The following TBC1D4 variants were observed in gnomAD, a reference collection of about 807,000 sequenced individuals.
TBC1D4 encodes the protein TBC1 domain family member 4.
Under a neutral mutation model 142.5 loss-of-function variants are expected in TBC1D4, and 121 were observed. That is an observed-to-expected ratio of 0.85 (90% CI 0.73 to 0.99). The LOEUF is 0.99. Among genes scored for constraint, TBC1D4 ranks in the 50% least tolerant of loss-of-function variants. The pLI is 0.00. For missense variants in TBC1D4, 1,475 were observed against 1,606.6 expected, an observed-to-expected ratio of 0.92 and a Z score of 1.40; for synonymous variants, 630 against 628.2, an observed-to-expected ratio of 1.00 and a Z score of -0.04.
chr13:75,472,178 A>AT (rs1888437790), intron 1 of TBC1D4, among the ~76,000 whole-genome samples: 1 of 151,952 alleles, frequency 6.6e-6, no homozygotes, highest in Non-Finnish European at 1.5e-5. Flanking sequence ...TAATCCCAGC[A>AT]TTTTGGGAGG....
At chr13:75,452,272 TCC>T (rs1238488264) in intron 1 of TBC1D4, among the ~76,000 whole-genome samples, 2 of 152,188 alleles carry the variant, frequency 1.3e-5, no homozygotes, top group Non-Finnish European at 2.9e-5. Flanking sequence ...TTGCATTTCC[TCC>T]ATAGTAAATA....
At chr13:75,427,676 C>T (rs959002251) in intron 1 of TBC1D4, among the ~76,000 whole-genome samples, 1 of 152,178 alleles carries the variant, frequency 6.6e-6, no homozygotes, top group Non-Finnish European at 1.5e-5. Context: ...TACTCACGCT[C>T]GAATTATTCA....
intron 5 of TBC1D4, among the ~76,000 whole-genome samples, chr13:75,342,245 G>A (rs1361499358): frequency 1.3e-5 from 2 of 151,746 alleles, no homozygotes; most frequent in African/African-American, 2.4e-5. Flanking sequence ...AAGCGATACT[G>A]AGCACAACCA....
chr13:75,327,739 T>A lies in TBC1D4; in HGVS notation c.1806+13A>T. On this transcript the variant is annotated intron_variant, in intron 9 of 20. Coordinates refer to ENST00000377636, the MANE Select transcript of TBC1D4 (RefSeq NM_014832.5). ...TAAGTTGCAATTAGTGTAAACAAGC[T>A]CTAGTTAGATACCTTCTCTGAAGCA... 6.2e-7 allele frequency: 1 copy of A among 1,613,846 alleles called. No individual in the cohort carries two copies. Among genetic ancestry groups the A allele is most frequent in the South Asian group, 1.1e-5 (1 of 91,082 alleles).
intron 11 of TBC1D4, among the ~76,000 whole-genome samples, chr13:75,322,770 C>T (rs1012526517): frequency 5.3e-5 from 8 of 152,122 alleles, no homozygotes; most frequent in Non-Finnish European, 1.0e-4. Context: ...TATAGAGATA[C>T]GGCAAACTGA....
At chr13:75,446,944 T>C (rs1044692698) in intron 1 of TBC1D4, among the ~76,000 whole-genome samples, 12 of 152,102 alleles carry the variant, frequency 7.9e-5, no homozygotes, top group African/African-American at 2.7e-4. Flanking sequence ...CAGCAGGACC[T>C]GAGGGGGTGG....
At position 75,481,651 on chromosome 13, in the gene TBC1D4, C is replaced by T; in HGVS notation, c.117G>A (p.Trp39Ter). Residue 39 changes from tryptophan to a stop codon, truncating the protein, a stop_gained, in exon 1 of 21, where the codon TGG becomes TGA. Coordinates refer to ENST00000377636, the MANE Select transcript of TBC1D4 (RefSeq NM_014832.5). LOFTEE classifies it high-confidence loss of function. Reference sequence around the variant, plus strand: ...GGTCCAGGCACGACCCCCCAACGTACCACAGCCGGAACCGCTTATCGCTTG... The same window carrying T: ...GGTCCAGGCACGACCCCCCAACGTATCACAGCCGGAACCGCTTATCGCTTG... Reference protein sequence around the residue: ...GKPSDKRFRLWYVGGSCLDHR... With the variant: ...GKPSDKRFRL 1 of 1,604,322 alleles carries T rather than the reference C, an allele frequency of 6.2e-7. No homozygotes were observed.
intron 1 of TBC1D4, among the ~76,000 whole-genome samples, chr13:75,457,431 C>G (rs1887783212): frequency 6.6e-6 from 1 of 152,076 alleles, no homozygotes; most frequent in Admixed American, 6.5e-5. Flanking sequence ...GCCTGACAAC[C>G]AAAAGTGTCT....
At chr13:75,473,044 G>C (rs1228509222) in intron 1 of TBC1D4, among the ~76,000 whole-genome samples, 1 of 152,132 alleles carries the variant, frequency 6.6e-6, no homozygotes, top group Non-Finnish European at 1.5e-5. Flanking sequence ...GCCCAGGTTG[G>C]AGTGCAGTGG....
chr13:75,346,117 ACT>A (rs992682088), intron 5 of TBC1D4, among the ~76,000 whole-genome samples: 25 of 152,138 alleles, frequency 1.6e-4, no homozygotes, highest in African/African-American at 5.8e-4. Flanking sequence ...ATATTTGGAA[ACT>A]CTCTGCAACT....
intron 1 of TBC1D4, among the ~76,000 whole-genome samples, chr13:75,401,024 A>T (rs1885063574): frequency 6.6e-6 from 1 of 152,184 alleles, no homozygotes; most frequent in Admixed American, 6.5e-5. Flanking sequence ...CTCTAAATAA[A>T]CAAGCTTTAG....
In TBC1D4 at chr13:75,467,237, C is replaced by T. The variant is rs1888205247; in HGVS notation, c.498+14033G>A. 2.0e-5 allele frequency among the ~76,000 whole-genome samples: 3 copies of T among 152,166 alleles called. 1 individual carries two copies. The South Asian group carries it at 6.2e-4, about 32-fold the overall frequency. On this transcript the variant is annotated intron_variant, in intron 1 of 20. Coordinates refer to ENST00000377636, the MANE Select transcript of TBC1D4 (RefSeq NM_014832.5). ...AAAGAAAACAGCCTTTGTAAATAAG[C>T]AAACATGTTGTGAAACTGTCTATTT...
chr13:75,375,773 C>CGACACA (rs1555312974), intron 1 of TBC1D4: 1 of 133,734 alleles, frequency 7.5e-6, no homozygotes, highest in African/African-American at 2.9e-5. Flanking sequence ...CCCACCCCCC[C>CGACACA]CACACACACA....
rs1167042692 is a variant in TBC1D4, at chr13:75,315,423, C to T, written c.2223-2525G>A. ...ACACACATATATATATATATACACA[C>T]ACATATATATATATATATTTGCTTT... On this transcript the variant is annotated intron_variant, in intron 12 of 20. Transcript: ENST00000377636. Among the ~76,000 whole-genome samples the T allele has an allele frequency of 5.9e-3, 137 of 23,180 alleles. 1 individual carries two copies. Among genetic ancestry groups the T allele is most frequent in the African/African-American group, 8.0e-3 (131 of 16,412 alleles). The allele number at this position is 23,180 out of a possible 152,430, so 15.2% of individuals were successfully genotyped here.
intron 3 of TBC1D4, among the ~76,000 whole-genome samples, chr13:75,359,113 C>A (rs1882295343): frequency 6.6e-6 from 1 of 152,072 alleles, no homozygotes; most frequent in Non-Finnish European, 1.5e-5. Flanking sequence ...ATTCCAGGAA[C>A]CTCCTTAGAG....
At position 75,356,128 on chromosome 13, in the gene TBC1D4, C is replaced by G. The variant is rs1157779024; in HGVS notation, c.1275+19G>C. Reference sequence around the variant, plus strand: ...AGATGTGTCCGCAGGAGCAGGCAGACAGCAATAACACTACTTACCAGAGAT... The same window carrying G: ...AGATGTGTCCGCAGGAGCAGGCAGAGAGCAATAACACTACTTACCAGAGAT... On this transcript the variant is annotated intron_variant, in intron 4 of 20. Coordinates refer to ENST00000377636, the MANE Select transcript of TBC1D4 (RefSeq NM_014832.5). 2.6e-5 allele frequency: 41 copies of G among 1,584,942 alleles called. No homozygotes were observed. The highest frequency in any genetic ancestry group is 3.6e-5 in the Non-Finnish European group (41 of 1,154,482).
intron 3 of TBC1D4, among the ~76,000 whole-genome samples, chr13:75,356,847 C>T (rs1837502116): frequency 1.3e-5 from 2 of 152,108 alleles, no homozygotes; most frequent in African/African-American, 2.4e-5. Context: ...AATAACCTCC[C>T]TATATCCCAT....
intron 8 of TBC1D4, among the ~76,000 whole-genome samples, chr13:75,329,866 T>C (rs1283179344): frequency 6.6e-6 from 1 of 152,216 alleles, no homozygotes; most frequent in Non-Finnish European, 1.5e-5. Flanking sequence ...TCTAAAGCCA[T>C]TGTGATTCTA....
chr13:75,381,658 A>G (rs972484342), intron 1 of TBC1D4, among the ~76,000 whole-genome samples: 1 of 152,224 alleles, frequency 6.6e-6, no homozygotes, highest in Admixed American at 6.5e-5. Flanking sequence ...TGTGCCATCC[A>G]CAAACTACTA....
Sources: allele counts gnomAD v4.1 joint callset (sites outside exome capture counted in the v4.1 genomes callset), GRCh38; gene constraint gnomAD v4.1.1; transcripts MANE v1.5; gene names NCBI Gene and HGNC (gene_info 2026-07-23, HGNC 2026-07-21).